Variants in GABRA4 observed in about 807,000 individuals in gnomAD.
GABRA4 encodes gamma-aminobutyric acid type A receptor subunit alpha4.
Under a neutral mutation model 49.7 loss-of-function variants are expected in GABRA4, and 12 were observed. That is an observed-to-expected ratio of 0.24 (90% CI 0.15 to 0.39). The LOEUF (loss-of-function observed/expected upper bound fraction) is 0.39, where lower values mean the gene tolerates loss of function less well. Ranked by LOEUF, GABRA4 falls within the 10% of genes least tolerant of loss-of-function variation. The pLI is 1.00. For synonymous variants in GABRA4, 288 were observed against 240.2 expected (o/e 1.20, Z -1.84); for missense variants, 506 against 686.0 (o/e 0.74, Z 2.93).
At chr4:46,978,596 A>G (rs1723230706) in intron 3 of GABRA4, among the ~76,000 whole-genome samples, 1 of 148,192 alleles carries the variant, frequency 6.7e-6, no homozygotes, top group Admixed American at 6.8e-5. Flanking sequence ...TTGAGGCAAG[A>G]GAATCACTTG....
rs1275821221 is a variant in GABRA4 at position 46,925,757 on chromosome 4, TA to T, written c.*2467del. On this transcript the variant is annotated 3_prime_UTR_variant, in exon 9 of 9. Coordinates refer to ENST00000264318, the MANE Select transcript of GABRA4 (RefSeq NM_000809.4). ...TTATTATTATTATTATTATTATTAT[TA>T]TCATCATTATTATCATTGTGTGCAA... The T allele has an allele frequency of 5.1e-5, 4 of 78,866 alleles. No homozygotes were observed. In the East Asian group the frequency reaches 1.9e-3, roughly 38 times the overall value. 4.9% of individuals were successfully genotyped at this position (78,866 alleles called of 1,614,324 possible).
intron 7 of GABRA4, among the ~76,000 whole-genome samples, chr4:46,970,271 G>T (rs1722904967): frequency 1.3e-5 from 2 of 151,352 alleles, no homozygotes; most frequent in African/African-American, 4.8e-5. Flanking sequence ...AGAGGAATTG[G>T]CACTCTTGTG....
intron 5 of GABRA4, among the ~76,000 whole-genome samples, chr4:46,976,606 C>A (rs920685136): frequency 1.3e-5 from 2 of 151,700 alleles, no homozygotes; most frequent in African/African-American, 4.8e-5. Context: ...AGCTCTGAAC[C>A]TTTTATGGAC....
At chr4:46,953,247 CT>C (rs1309899144) in intron 8 of GABRA4, among the ~76,000 whole-genome samples, 2 of 152,080 alleles carry the variant, frequency 1.3e-5, no homozygotes, top group Admixed American at 6.6e-5. Context: ...CACCACCAAT[CT>C]GAGTTCTGCC....
At chr4:46,965,329 G>A in intron 7 of GABRA4, 100 bp from the exon 8 acceptor site, 1 of 1,008,550 alleles carries the variant, frequency 9.9e-7, no homozygotes, top group Non-Finnish European at 1.4e-6. Flanking sequence ...TGTGGAATAG[G>A]GTTAACAAAA....
In GABRA4 at chr4:46,992,254, A is replaced by G. The variant is rs537043763; in HGVS notation, c.205+574T>C. Among the ~76,000 whole-genome samples, 74 of 152,326 alleles carry G rather than the reference A, an allele frequency of 4.9e-4. 1 individual carries two copies. The highest frequency in any genetic ancestry group is 1.7e-3 in the African/African-American group (70 of 41,572). On this transcript the variant is annotated intron_variant, in intron 2 of 8. Coordinates refer to ENST00000264318, the MANE Select transcript of GABRA4 (RefSeq NM_000809.4). Reference sequence around the variant, plus strand: ...GGAACATCTCTAACTTTAAAGTCTTAGGAGGAAAGCAAATGACACATCACC... The same window carrying G: ...GGAACATCTCTAACTTTAAAGTCTTGGGAGGAAAGCAAATGACACATCACC...
intron 8 of GABRA4, among the ~76,000 whole-genome samples, chr4:46,946,409 A>G (rs1721984522): frequency 6.6e-6 from 1 of 152,128 alleles, no homozygotes; most frequent in African/African-American, 2.4e-5. Flanking sequence ...TGATAAAAAC[A>G]GCACTTTTCT....
intron 8 of GABRA4, 21 bp downstream of exon 8, chr4:46,964,949 A>T (rs765598956): frequency 6.5e-7 from 1 of 1,549,016 alleles, no homozygotes; most frequent in Admixed American, 2.0e-5. Context: ...TCTTAAACTG[A>T]AGGTGGATTA....
At chr4:46,933,968 T>C (rs959747124) in intron 8 of GABRA4, among the ~76,000 whole-genome samples, 1 of 152,162 alleles carries the variant, frequency 6.6e-6, no homozygotes, top group Non-Finnish European at 1.5e-5. Flanking sequence ...TCGTCAGTCA[T>C]GACTGTGATC....
chr4:46,933,013 G>T (rs924871542), intron 8 of GABRA4, among the ~76,000 whole-genome samples: 6 of 152,104 alleles, frequency 3.9e-5, no homozygotes, highest in Non-Finnish European at 7.4e-5. Context: ...AGAAAGAGGA[G>T]AGTCTAAGCA....
chr4:46,935,630 G>A (rs868442217), intron 8 of GABRA4, among the ~76,000 whole-genome samples: 1 of 151,934 alleles, frequency 6.6e-6, no homozygotes, highest in Non-Finnish European at 1.5e-5. Flanking sequence ...GAGAACACAC[G>A]GACACAGGGA....
intron 3 of GABRA4, 80 bp downstream of exon 3, chr4:46,978,951 C>A (rs1236525254): frequency 6.4e-6 from 6 of 934,436 alleles, no homozygotes; most frequent in African/African-American, 4.9e-5. Flanking sequence ...TGATTGACAA[C>A]AAAATAAATA....
intron 8 of GABRA4, among the ~76,000 whole-genome samples, chr4:46,938,352 A>G (rs1190245775): frequency 1.3e-5 from 2 of 152,182 alleles, no homozygotes; most frequent in African/African-American, 2.4e-5. Context: ...ATTCAAGTCC[A>G]TGCCAATCCT....
intron 8 of GABRA4, among the ~76,000 whole-genome samples, chr4:46,944,738 C>G (rs1721924016): frequency 6.6e-6 from 1 of 152,112 alleles, no homozygotes; most frequent in Non-Finnish European, 1.5e-5. Flanking sequence ...TGACACCCCA[C>G]CACCCTCATC....
intron 8 of GABRA4, among the ~76,000 whole-genome samples, chr4:46,948,345 A>G (rs527510924): frequency 1.3e-5 from 2 of 152,230 alleles, no homozygotes; most frequent in African/African-American, 4.8e-5. Context: ...AGAAAAGAGG[A>G]TATTAATGAC....
chr4:46,945,819 G>A (rs1721961809), intron 8 of GABRA4, among the ~76,000 whole-genome samples: 1 of 152,078 alleles, frequency 6.6e-6, no homozygotes, highest in African/African-American at 2.4e-5. Flanking sequence ...GGCTTTTTGT[G>A]GAGACTTTGG....
In GABRA4 at chr4:46,971,236, C is replaced by T. The variant is rs1223439838; in HGVS notation, c.722-1G>A. The T allele has an allele frequency of 6.2e-7, 1 of 1,608,382 alleles. No individual in the cohort carries two copies. Among genetic ancestry groups the T allele is most frequent in the African/African-American group, 1.3e-5 (1 of 74,644 alleles). Reference sequence around the variant, plus strand: ...TAAACCGTCATAACAATATATTCACCTGCCAAGAAAACAGGAGGAAAATGT... The same window carrying T: ...TAAACCGTCATAACAATATATTCACTTGCCAAGAAAACAGGAGGAAAATGT... On this transcript the variant is annotated splice_acceptor_variant, in intron 6 of 8. Transcript: ENST00000264318. LOFTEE classifies it high-confidence loss of function.
intron 2 of GABRA4, among the ~76,000 whole-genome samples, chr4:46,984,404 C>G (rs748373772): frequency 2.6e-5 from 4 of 151,992 alleles, no homozygotes; most frequent in African/African-American, 9.7e-5. Context: ...ACAAGCCTTC[C>G]TGAATACTAA....
At chr4:46,941,403 G>A (rs1476274555) in intron 8 of GABRA4, among the ~76,000 whole-genome samples, 1 of 152,014 alleles carries the variant, frequency 6.6e-6, no homozygotes, top group Non-Finnish European at 1.5e-5. Context: ...TTTCTCCTGA[G>A]TACAGTGAGA....
Sources: gnomAD v4.1 joint callset for allele counts (sites outside exome capture counted in the v4.1 genomes callset) on GRCh38, gnomAD v4.1.1 for gene constraint, MANE v1.5 for transcripts, NCBI Gene and HGNC (gene_info 2026-07-23, HGNC 2026-07-21) for gene names.